The following RIMS2 variants were observed in gnomAD, a reference collection of about 807,000 sequenced individuals.
RIMS2 encodes the protein regulating synaptic membrane exocytosis 2.
RIMS2 carries 59 observed loss-of-function variants against 174.4 expected under a neutral mutation model. The ratio of observed to expected loss-of-function variants is 0.34; its 90% CI spans 0.27 to 0.42. The LOEUF (loss-of-function observed/expected upper bound fraction) is 0.42. RIMS2 is among the 10% of genes least tolerant of loss of function. The pLI is 1.00. For missense variants in RIMS2, 1,620 were observed against 1,666.3 expected (o/e 0.97, Z 0.48); for synonymous variants, 606 against 572.5 (o/e 1.06, Z -0.84).
intron 1 of RIMS2, among the ~76,000 whole-genome samples, chr8:103,628,483 T>G (rs770755013): frequency 1.3e-5 from 2 of 151,516 alleles, no homozygotes; most frequent in Non-Finnish European, 2.9e-5. Context: ...GCCTCCTGAG[T>G]AGCTGGGATT....
chr8:103,583,630 AAC>A (rs1304084998), intron 1 of RIMS2, among the ~76,000 whole-genome samples: 1 of 152,224 alleles, frequency 6.6e-6, no homozygotes, highest in Non-Finnish European at 1.5e-5. Context: ...TGAAGAATGT[AAC>A]AGAGTCCTTT....
chr8:103,785,786 A>T (rs1402988596), intron 3 of RIMS2, among the ~76,000 whole-genome samples: 1 of 152,150 alleles, frequency 6.6e-6, no homozygotes, highest in Admixed American at 6.5e-5. Context: ...TGCCCTCATA[A>T]AAAGAGTTAG....
intron 2 of RIMS2, among the ~76,000 whole-genome samples, chr8:103,735,626 C>T (rs544629799): frequency 6.6e-6 from 1 of 152,222 alleles, no homozygotes; most frequent in South Asian, 2.1e-4. Flanking sequence ...GCAGCCATTG[C>T]TGATGGTGTG....
intron 17 of RIMS2, among the ~76,000 whole-genome samples, chr8:104,013,178 A>G (rs1419211968): frequency 6.6e-6 from 1 of 152,194 alleles, no homozygotes; most frequent in African/African-American, 2.4e-5. Context: ...CATTTTGGAA[A>G]GCAGGCAGTT....
intron 14 of RIMS2, among the ~76,000 whole-genome samples, chr8:103,957,721 C>A (rs1381370486): frequency 6.6e-6 from 1 of 151,986 alleles, no homozygotes; most frequent in Non-Finnish European, 1.5e-5. Context: ...CAAACCTGCA[C>A]GTTGTTCACA....
intron 19 of RIMS2, among the ~76,000 whole-genome samples, chr8:104,214,969 G>A (rs368057449): frequency 6.6e-6 from 1 of 151,892 alleles, no homozygotes; most frequent in Non-Finnish European, 1.5e-5. Context: ...TTTCCAATAC[G>A]CTATTTAAAA....
At chr8:104,127,923 G>A (rs965192988) in intron 19 of RIMS2, among the ~76,000 whole-genome samples, 2 of 152,156 alleles carry the variant, frequency 1.3e-5, no homozygotes, top group South Asian at 2.1e-4. Context: ...TTTCCCAAAT[G>A]CAGGTCACAG....
At chr8:103,648,616 G>A (rs1322778220) in intron 1 of RIMS2, among the ~76,000 whole-genome samples, 1 of 152,122 alleles carries the variant, frequency 6.6e-6, no homozygotes, top group East Asian at 1.9e-4. Flanking sequence ...ATGAATCTGA[G>A]TGCTCCTGTA....
intron 2 of RIMS2, among the ~76,000 whole-genome samples, chr8:103,754,335 T>G (rs980787389): frequency 1.1e-4 from 17 of 152,016 alleles, no homozygotes; most frequent in African/African-American, 3.9e-4. Flanking sequence ...TGCTGAGGAG[T>G]GTTTTACTTC....
At chr8:104,029,319 C>T (rs984808188) in intron 19 of RIMS2, among the ~76,000 whole-genome samples, 1 of 152,120 alleles carries the variant, frequency 6.6e-6, no homozygotes, top group African/African-American at 2.4e-5. Flanking sequence ...GAATGTAGCC[C>T]AGCAAATCTC....
chr8:103,614,714 T>C (rs1232821504), intron 1 of RIMS2, among the ~76,000 whole-genome samples: 1 of 152,238 alleles, frequency 6.6e-6, no homozygotes, highest in Non-Finnish European at 1.5e-5. Context: ...ATGAAAGTGA[T>C]CATCACAAAG....
At chr8:104,065,851 G>A (rs544071104) in intron 19 of RIMS2, among the ~76,000 whole-genome samples, 6 of 152,206 alleles carry the variant, frequency 3.9e-5, no homozygotes, top group Admixed American at 3.3e-4. Context: ...TTTAATTGAT[G>A]ACATATTTAA....
In RIMS2 at chr8:103,527,918, A is replaced by G. The variant is rs573764380; in HGVS notation, c.176+26856A>G. Among the ~76,000 whole-genome samples, 63 of 152,268 alleles carry G rather than the reference A, an allele frequency of 4.1e-4. 1 individual carries two copies. The highest frequency in any genetic ancestry group is 1.5e-3 in the African/African-American group (63 of 41,556). On this transcript the variant is annotated intron_variant, in intron 1 of 23. Transcript: ENST00000504942. ...TGGGTATATACCCAGTAACGGGATG[A>G]CTGGGTCAAATGGTATTTCTGGTTC...
chr8:104,064,891 T>C (rs999730655), intron 19 of RIMS2, among the ~76,000 whole-genome samples: 5 of 152,094 alleles, frequency 3.3e-5, no homozygotes, highest in Non-Finnish European at 5.9e-5. Flanking sequence ...ATTTCTAAGA[T>C]ATAATGACCC....
chr8:103,804,741 T>C (rs1254456603), intron 3 of RIMS2, among the ~76,000 whole-genome samples: 1 of 152,204 alleles, frequency 6.6e-6, no homozygotes, highest in Non-Finnish European at 1.5e-5. Flanking sequence ...GAGATTTGAT[T>C]TAAAACCCAA....
rs184200852 is a variant in RIMS2 at position 103,562,342 on chromosome 8, T to C, written c.176+61280T>C. Among the ~76,000 whole-genome samples the C allele has an allele frequency of 5.3e-5, 8 of 152,274 alleles. No homozygotes were observed. The East Asian group carries it at 1.5e-3, about 29-fold the overall frequency. On this transcript the variant is annotated intron_variant, in intron 1 of 23. Coordinates refer to ENST00000504942, the Ensembl canonical transcript of RIMS2. ...AGTGGGAGTACAGACATTGAATAAA[T>C]ACAGCTGTTCCAAATGGGAGAAATT...
At chr8:104,156,618 A>C (rs772222542) in intron 19 of RIMS2, among the ~76,000 whole-genome samples, 23 of 152,202 alleles carry the variant, frequency 1.5e-4, no homozygotes, top group Non-Finnish European at 2.6e-4. Flanking sequence ...AAATATCTGC[A>C]TATATTTTAT....
At chr8:103,970,512 C>T (rs921394620) in intron 15 of RIMS2, among the ~76,000 whole-genome samples, 2 of 152,140 alleles carry the variant, frequency 1.3e-5, no homozygotes, top group Non-Finnish European at 2.9e-5. Flanking sequence ...GGTGGAGCTC[C>T]TGGAGGTGAG....
At position 104,199,349 on chromosome 8, in the gene RIMS2, A is replaced by G. The variant is rs573463757; in HGVS notation, c.3335-45567A>G. On this transcript the variant is annotated intron_variant, in intron 19 of 23. Coordinates refer to ENST00000504942, the Ensembl canonical transcript of RIMS2. The stretch of plus-strand genomic sequence containing the variant: ...AGTGCTGGGATTACAGGCATGAGCC[A>G]CCACGCCCGGCCTATTTTAACAAGA... Among the ~76,000 whole-genome samples, 287 of 152,280 alleles carry G rather than the reference A, an allele frequency of 1.9e-3. 2 individuals are homozygous for G. The highest frequency in any genetic ancestry group is 6.4e-3 in the African/African-American group (264 of 41,560).
Sources: allele counts gnomAD v4.1 joint callset (sites outside exome capture counted in the v4.1 genomes callset), GRCh38; gene constraint gnomAD v4.1.1; transcripts MANE v1.5; gene names NCBI Gene and HGNC (gene_info 2026-07-23, HGNC 2026-07-21).